Variants in PAPPA observed in about 807,000 individuals in gnomAD.
The protein encoded by PAPPA is pappalysin-1.
PAPPA carries 60 observed loss-of-function variants against 164.0 expected under a neutral mutation model. That is an observed-to-expected ratio of 0.37 (90% CI 0.30 to 0.45). The LOEUF (loss-of-function observed/expected upper bound fraction) is 0.45. Among genes scored for constraint, PAPPA ranks in the 20% least tolerant of loss-of-function variants. The pLI, the probability that PAPPA is intolerant of heterozygous loss-of-function variation, is 1.00. For missense variants in PAPPA, 1,782 were observed against 2,087.3 expected, an observed-to-expected ratio of 0.85 and a Z score of 2.85; for synonymous variants, 875 against 814.1, an observed-to-expected ratio of 1.07 and a Z score of -1.27.
At chr9:116,226,384 C>A (rs900270054) in intron 5 of PAPPA, among the ~76,000 whole-genome samples, 19 of 152,224 alleles carry the variant, frequency 1.2e-4, no homozygotes, top group African/African-American at 4.6e-4. Context: ...AGTGAACGTC[C>A]CTGTGAGGGG....
At chr9:116,358,159 C>G (rs1044965403) in intron 17 of PAPPA, among the ~76,000 whole-genome samples, 2 of 152,122 alleles carry the variant, frequency 1.3e-5, no homozygotes, top group Non-Finnish European at 2.9e-5. Context: ...ACCTCAGAGA[C>G]CCCCACTGTA....
At chr9:116,202,744 A>T (rs1297293779) in intron 2 of PAPPA, among the ~76,000 whole-genome samples, 1 of 152,088 alleles carries the variant, frequency 6.6e-6, no homozygotes, top group East Asian at 1.9e-4. Flanking sequence ...AGGAGGAATT[A>T]TGGTCACATA....
At chr9:116,210,147 C>G (rs1218192027) in intron 3 of PAPPA, among the ~76,000 whole-genome samples, 1 of 152,118 alleles carries the variant, frequency 6.6e-6, no homozygotes, top group Admixed American at 6.6e-5. Flanking sequence ...CTCTTCCTCC[C>G]TGCCTCTGCC....
chr9:116,191,626 A>G (rs1447559398), intron 2 of PAPPA, among the ~76,000 whole-genome samples: 1 of 152,170 alleles, frequency 6.6e-6, no homozygotes, highest in Non-Finnish European at 1.5e-5. Context: ...TTAGAGACAC[A>G]CAGTAGGACA....
In PAPPA at chr9:116,382,376, CT is replaced by C; in HGVS notation, c.4678-17del. The stretch of plus-strand genomic sequence containing the variant: ...GATGCTAACAAGGCCTCATTTCCTC[CT>C]TCTGTCTCCCTTTCCAGCCCTTCAT... On this transcript the variant is annotated intron_variant, in intron 20 of 21. Transcript: ENST00000328252. The C allele has an allele frequency of 6.4e-7, 1 of 1,558,804 alleles. No homozygotes were observed. The highest frequency in any genetic ancestry group is 8.9e-7 in the Non-Finnish European group (1 of 1,129,530).
rs79220342 is a variant in PAPPA, at chr9:116,348,171, A to G, written c.3964+962A>G. Among the ~76,000 whole-genome samples the G allele has an allele frequency of 1.7e-3, 263 of 151,982 alleles. 6 individuals carry two copies. The East Asian group carries it at 0.046, about 26-fold the overall frequency. On this transcript the variant is annotated intron_variant, in intron 15 of 21. Coordinates refer to ENST00000328252, the MANE Select transcript of PAPPA (RefSeq NM_002581.5). ...TTTTCCTTTGACCATACAGGGAAAT[A>G]TCTCTCTATTTCCATATTGATCAAC...
rs749158982 is a variant in PAPPA, at chr9:116,187,829, A to G, written c.1091A>G (p.Asp364Gly). The change falls in exon 2 of 22, where the codon GAT becomes GGT. Residue 364 changes from aspartate to glycine, a missense_variant. By Grantham distance (94) the Asp-to-Gly change is moderately conservative. Transcript: ENST00000328252. The surrounding 1 kb of genome is among the most constrained non-coding windows in gnomAD (Gnocchi z 4.2). ...RYRVVNLYED[D>G]HKNPTVTREQ... is the part of the protein sequence containing the mutation. ...CGCGTGGTCAACCTCTATGAAGATG[A>G]TCATAAGAACCCGACGGTGACGCGC... 2 of 1,614,218 alleles carry G rather than the reference A, an allele frequency of 1.2e-6. No homozygotes were observed. Among genetic ancestry groups the G allele is most frequent in the Non-Finnish European group, 1.7e-6 (2 of 1,180,036 alleles).
At chr9:116,297,461 C>T (rs979535042) in intron 9 of PAPPA, among the ~76,000 whole-genome samples, 3 of 152,170 alleles carry the variant, frequency 2.0e-5, no homozygotes, top group African/African-American at 7.2e-5. Context: ...TTCTTCCTCC[C>T]TTCTCCAGCT....
Position 116,227,413 on chromosome 9 carries a change from C to T in PAPPA, c.2112-18C>T. The T allele has an allele frequency of 6.2e-7, 1 of 1,613,722 alleles. No homozygotes were observed. The stretch of plus-strand genomic sequence containing the variant: ...GTTCCTAAGTCGGTGCATTTTCCCT[C>T]TTTCCTTGGCCTCCTAGAGAATTGG... On this transcript the variant is annotated intron_variant, in intron 5 of 21. Coordinates refer to ENST00000328252, the MANE Select transcript of PAPPA (RefSeq NM_002581.5).
At chr9:116,300,285 T>G (rs202163626) in intron 9 of PAPPA, among the ~76,000 whole-genome samples, 2 of 119,156 alleles carry the variant, frequency 1.7e-5, no homozygotes, top group Admixed American at 8.7e-5. Context: ...GTTTTGTTTT[T>G]TTGTTTTTTT....
chr9:116,376,300 T>C (rs989337078), intron 19 of PAPPA, among the ~76,000 whole-genome samples: 3 of 152,214 alleles, frequency 2.0e-5, no homozygotes, highest in Non-Finnish European at 4.4e-5. Flanking sequence ...ATTACAGGCG[T>C]GAGCCACCAC....
Position 116,230,655 on chromosome 9 carries a change from C to A in PAPPA, c.2233+3103C>A, listed in dbSNP as rs138476152. On this transcript the variant is annotated intron_variant, in intron 6 of 21. Transcript: ENST00000328252. ...CATTTAACAAATCTTTATTGGAAATCTACTGCATTTCATTAGCTTCATTTC... is the reference window on the plus strand; with the variant it reads ...CATTTAACAAATCTTTATTGGAAATATACTGCATTTCATTAGCTTCATTTC... Among the ~76,000 whole-genome samples the A allele has an allele frequency of 1.8e-3, 278 of 152,324 alleles. 6 individuals carry two copies. The East Asian group carries it at 0.049, about 27-fold the overall frequency.
chr9:116,219,981 A>G lies in PAPPA; in HGVS notation c.1963A>G (p.Met655Val), dbSNP rs754742990. 1 of 1,614,060 alleles carries G rather than the reference A, an allele frequency of 6.2e-7. No individual in the cohort carries two copies. The highest frequency in any genetic ancestry group is 1.7e-5 in the Admixed American group (1 of 60,020). ...DSFTPNQVAR[M>V]HCYLDLVYQG... ...CTTCACGCCCAATCAAGTCGCCAGA[A>G]TGCACTGTTACCTGGACCTGGTCTA... Residue 655 changes from methionine (M) to valine (V), a missense_variant, in exon 5 of 22, where the codon ATG (methionine) becomes GTG (valine). Physicochemically the swap from Met to Val is conservative, Grantham distance 21 (BLOSUM62 1). This residue lies in a region of PAPPA where 1,324 missense variants were observed against 1,656.9 expected (regional missense o/e 0.80). Transcript: ENST00000328252.
rs535581117 is a variant in PAPPA, at chr9:116,276,925, G to A, written c.2953+5509G>A. Among the ~76,000 whole-genome samples the A allele has an allele frequency of 3.3e-5, 5 of 152,192 alleles. No individual in the cohort carries two copies. In the South Asian group the frequency reaches 6.2e-4, roughly 19 times the overall value. ...TTGCTGGGAGGGGCAGGGGTTCACC[G>A]AGCCTTGTGGCCCCTCTGTCAGGCT... On this transcript the variant is annotated intron_variant, in intron 9 of 21. Coordinates refer to ENST00000328252, the MANE Select transcript of PAPPA (RefSeq NM_002581.5).
In PAPPA at chr9:116,396,541, A is replaced by G. The variant is rs1360658385; in HGVS notation, c.4809A>G (p.Gln1603=). 2 of 780,876 alleles carry G rather than the reference A, an allele frequency of 2.6e-6. No individual in the cohort carries two copies. The highest frequency in any genetic ancestry group is 3.4e-5 in the African/African-American group (2 of 59,234). 48.4% of individuals were successfully genotyped at this position (780,876 alleles called of 1,614,324 possible). A position where few individuals can be genotyped will look rare whatever the true frequency, so the allele number is the denominator to read the frequency against. Residue 1603 remains glutamine, a synonymous_variant, in exon 22 of 22, where the codon CAA becomes CAG. Transcript: ENST00000328252. ...VTPFPMSCDL[Q]GDCACRDPQA... is the part of the protein sequence containing the mutation. ...CATTCCCTATGTCCTGTGATCTACA[A>G]GGTGACTGTGCTTGTCGGGACCCCC...
chr9:116,215,356 C>T (rs1056522206), intron 4 of PAPPA, among the ~76,000 whole-genome samples: 10 of 151,920 alleles, frequency 6.6e-5, no homozygotes, highest in African/African-American at 2.4e-4. Context: ...TCTAAGTGCC[C>T]ATTAATAATA....
chr9:116,362,791 T>C, intron 18 of PAPPA, 52 bp downstream of exon 18: 1 of 1,576,482 alleles, frequency 6.3e-7, no homozygotes, highest in Non-Finnish European at 8.6e-7. Context: ...CTTCCAGCAA[T>C]GCAGGGCTAA....
rs764057538 is a variant in PAPPA, at chr9:116,187,570, C to T, written c.832C>T (p.His278Tyr). The T allele has an allele frequency of 2.5e-6, 4 of 1,614,198 alleles. No individual in the cohort carries two copies. The South Asian group carries it at 4.4e-5, about 18-fold the overall frequency. The change falls in exon 2 of 22, where the codon CAC becomes TAC. Residue 278 changes from histidine (H) to tyrosine (Y), a missense_variant. By Grantham distance (83) the His-to-Tyr change is moderately conservative. Coordinates refer to ENST00000328252, the MANE Select transcript of PAPPA (RefSeq NM_002581.5). This position sits in a 1 kb window ranked among gnomAD's most constrained non-coding sequence, Gnocchi z 4.2. ...ILSDMETHGA[H>Y]TALPQLLLQE... ...GTCTGACATGGAAACCCATGGCGCC[C>T]ACACTGCTCTACCTCAGCTCCTCCT...
chr9:116,395,865 G>A (rs915580151), intron 21 of PAPPA, among the ~76,000 whole-genome samples: 2 of 152,122 alleles, frequency 1.3e-5, no homozygotes, highest in African/African-American at 4.8e-5. Context: ...GCCTACTAAA[G>A]TCAAAGTGAC....
Sources: allele counts gnomAD v4.1 joint callset (sites outside exome capture counted in the v4.1 genomes callset), GRCh38; gene constraint gnomAD v4.1.1; regional missense constraint gnomAD v4.1.1; non-coding constraint Gnocchi (gnomAD v3.1); transcripts MANE v1.5; gene names NCBI Gene and HGNC (gene_info 2026-07-23, HGNC 2026-07-21).